The following PEX26 variants were observed in gnomAD, a reference collection of about 807,000 sequenced individuals.
PEX26 encodes the protein peroxisome assembly protein 26.
PEX26 carries 18 observed loss-of-function variants against 31.4 expected under a neutral mutation model. The observed-to-expected ratio is 0.57, with a 90% CI of 0.40 to 0.85. The LOEUF is 0.85. PEX26 is among the 40% of genes least tolerant of loss of function. The pLI is 0.00. For missense variants in PEX26, 377 were observed against 383.9 expected (o/e 0.98, Z 0.15); for synonymous variants, 176 against 166.9 (o/e 1.05, Z -0.42).
chr22:18,088,130 G>C lies in PEX26; in HGVS notation c.*55G>C, dbSNP rs564278228. The C allele has an allele frequency of 8.9e-7, 1 of 1,121,366 alleles. No homozygotes were observed. The highest frequency in any genetic ancestry group is 1.2e-5 in the South Asian group (1 of 81,578). The allele number at this position is 1,121,366 out of a possible 1,614,324, so 69.5% of individuals were successfully genotyped here. A position where few individuals can be genotyped will look rare whatever the true frequency, so the allele number is the denominator to read the frequency against. ...CCTCACGTCCGTGGCCACAGAAGCA[G>C]AGCGACAGAGCGACACATCCACAGG... On this transcript the variant is annotated 3_prime_UTR_variant, in exon 5 of 5. Coordinates refer to ENST00000399744, the MANE Select transcript of PEX26 (RefSeq NM_001127649.3). The surrounding 1 kb of genome is among the most constrained non-coding windows in gnomAD (Gnocchi z 4.1).
chr22:18,078,747 G>A (rs1357965669), intron 1 of PEX26, 141 bp downstream of exon 1: 1 of 819,008 alleles, frequency 1.2e-6, no homozygotes, highest in South Asian at 1.4e-5. Flanking sequence ...CCGAGAGGGT[G>A]GTCGCTCATC....
chr22:18,086,596 C>G (rs1264435213), intron 4 of PEX26, among the ~76,000 whole-genome samples: 1 of 152,202 alleles, frequency 6.6e-6, no homozygotes, highest in Non-Finnish European at 1.5e-5. Context: ...CCAGTTATTT[C>G]CTGAGGATTG....
rs4459811 is a variant in PEX26, at chr22:18,100,961, T to C, written c.*12886T>C. ...ACGGCCTACACTCACTGGTACCCCA[T>C]ACAACAGGAATGAATGCCGACTTAG... On this transcript the variant is annotated 3_prime_UTR_variant, in exon 5 of 5. Coordinates refer to ENST00000399744, the MANE Select transcript of PEX26 (RefSeq NM_001127649.3). The C allele has an allele frequency of 6.6e-6, 1 of 152,178 alleles. No homozygotes were observed. The highest frequency in any genetic ancestry group is 2.4e-5 in the African/African-American group (1 of 41,444). 9.4% of individuals were successfully genotyped at this position (152,178 alleles called of 1,614,324 possible).
At position 18,104,228 on chromosome 22, in the gene PEX26, T is replaced by C. The variant is rs991489052; in HGVS notation, c.*16153T>C. On this transcript the variant is annotated 3_prime_UTR_variant, in exon 5 of 5. Coordinates refer to ENST00000399744, the MANE Select transcript of PEX26 (RefSeq NM_001127649.3). The stretch of plus-strand genomic sequence containing the variant: ...CTTTAGGTGCTCTTTTTTTTCTTTT[T>C]TTCGCTCTGTCGCCCATGCTGGAGT... The C allele has an allele frequency of 1.2e-4, 18 of 152,188 alleles. No individual in the cohort carries two copies. Among genetic ancestry groups the C allele is most frequent in the African/African-American group, 4.3e-4 (18 of 41,408 alleles). 9.4% of individuals were successfully genotyped at this position (152,188 alleles called of 1,614,324 possible).
Position 18,086,114 on chromosome 22 carries a change from A to T in PEX26, c.814+856A>T, listed in dbSNP as rs372451318. On this transcript the variant is annotated intron_variant, in intron 4 of 4. Coordinates refer to ENST00000399744, the MANE Select transcript of PEX26 (RefSeq NM_001127649.3). ...GGAGTTCGAGAACAGCCTGGCCAAT[A>T]TGGTGAAACCCCGTCTCTACTAAAA... Among the ~76,000 whole-genome samples, 32 of 152,156 alleles carry T rather than the reference A, an allele frequency of 2.1e-4. No homozygotes were observed. In the East Asian group the frequency reaches 5.3e-3, roughly 25 times the overall value.
rs904522209 is a variant in PEX26 at position 18,078,839 on chromosome 22, C to T, written c.230+233C>T. The T allele has an allele frequency of 1.9e-5, 13 of 694,104 alleles. No homozygotes were observed. The African/African-American group carries it at 2.3e-4, about 12-fold the overall frequency. 43.0% of individuals were successfully genotyped at this position (694,104 alleles called of 1,614,324 possible). On this transcript the variant is annotated intron_variant, in intron 1 of 4. Transcript: ENST00000399744. ...ACAGCCAATTATTTGCTCCTTGTTC[C>T]AAGGTACAATGACATGATGGGAAGG...
chr22:18,080,518 G>A (rs1926525058), intron 2 of PEX26, among the ~76,000 whole-genome samples: 1 of 152,096 alleles, frequency 6.6e-6, no homozygotes, highest in Non-Finnish European at 1.5e-5. Context: ...TTTAAGTAGA[G>A]ACAGGGTTTT....
chr22:18,093,498 G>C lies in PEX26; in HGVS notation c.*5423G>C, dbSNP rs2123671066. On this transcript the variant is annotated 3_prime_UTR_variant, in exon 5 of 5. Transcript: ENST00000399744. ...GAATGGCGTGAACCCAGGAGGCGGA[G>C]CTTGCAGTGAGCCTAGATGGCGCCA... The C allele has an allele frequency of 6.6e-6, 1 of 151,836 alleles. No individual in the cohort carries two copies. Among genetic ancestry groups the C allele is most frequent in the South Asian group, 2.1e-4 (1 of 4,814 alleles). 9.4% of individuals were successfully genotyped at this position (151,836 alleles called of 1,614,324 possible). A position where few individuals can be genotyped will look rare whatever the true frequency, so the allele number is the denominator to read the frequency against.
intron 4 of PEX26, among the ~76,000 whole-genome samples, chr22:18,086,240 A>C (rs1926839397): frequency 6.6e-6 from 1 of 152,206 alleles, no homozygotes. Flanking sequence ...CGGAGGTTGC[A>C]GTGAGCCAAG....
At chr22:18,085,859 G>A (rs771565771) in intron 4 of PEX26, among the ~76,000 whole-genome samples, 2 of 151,730 alleles carry the variant, frequency 1.3e-5, no homozygotes, top group African/African-American at 2.4e-5. Context: ...GCAATAGAGC[G>A]AGACTCTGTC....
intron 4 of PEX26, among the ~76,000 whole-genome samples, chr22:18,087,392 A>G (rs1926883996): frequency 6.6e-6 from 1 of 152,144 alleles, no homozygotes. Context: ...TTTCCGTCAC[A>G]TAGCTCAGAG....
rs557940288 is a variant in PEX26, at chr22:18,094,739, G to A, written c.*6664G>A. 6.6e-6 allele frequency: 1 copy of A among 150,510 alleles called. No individual in the cohort carries two copies. The highest frequency in any genetic ancestry group is 2.0e-4 in the East Asian group (1 of 5,116). The allele number at this position is 150,510 out of a possible 1,614,324, so 9.3% of individuals were successfully genotyped here. A position where few individuals can be genotyped will look rare whatever the true frequency, so the allele number is the denominator to read the frequency against. On this transcript the variant is annotated 3_prime_UTR_variant, in exon 5 of 5. Coordinates refer to ENST00000399744, the MANE Select transcript of PEX26 (RefSeq NM_001127649.3). ...TGCCCCTTTTCTGCCTCCATAGCTA[G>A]TTTCTTATTTTCCTTTGGCTTTTTT...
chr22:18,084,237 C>CTCTTTTTTTTTTTTTTTTTT (rs1556589212), intron 3 of PEX26, among the ~76,000 whole-genome samples: 2 of 95,320 alleles, frequency 2.1e-5, no homozygotes, highest in Non-Finnish European at 4.2e-5. Context: ...ATCTCTCTCT[C>CTCTTTTTTTTTTTTTTTTTT]TTTTTTTTTT....
chr22:18,083,994 C>T (rs1187962026), intron 3 of PEX26, among the ~76,000 whole-genome samples: 1 of 152,138 alleles, frequency 6.6e-6, no homozygotes, highest in Non-Finnish European at 1.5e-5. Context: ...GTCATTTTCC[C>T]ATTGGAGTCC....
chr22:18,082,831 A>T (rs1297384007), intron 2 of PEX26, among the ~76,000 whole-genome samples: 1 of 152,160 alleles, frequency 6.6e-6, no homozygotes, highest in Non-Finnish European at 1.5e-5. Flanking sequence ...TGAACACGGG[A>T]TATCTTTCCA....
Position 18,100,367 on chromosome 22 carries a change from G to T in PEX26, c.*12292G>T, listed in dbSNP as rs1263273948. On this transcript the variant is annotated 3_prime_UTR_variant, in exon 5 of 5. Transcript: ENST00000399744. ...TGGGATTAGAGGCGTGAGCCACCAT[G>T]CCTGGCCAGCTCTTTCTAACTAAAA... The T allele has an allele frequency of 1.3e-5, 2 of 151,998 alleles. No homozygotes were observed. The highest frequency in any genetic ancestry group is 2.9e-5 in the Non-Finnish European group (2 of 68,024). 9.4% of individuals were successfully genotyped at this position (151,998 alleles called of 1,614,324 possible).
At chr22:18,081,237 T>TACAC (rs1244269511) in intron 2 of PEX26, among the ~76,000 whole-genome samples, 2 of 66,214 alleles carry the variant, frequency 3.0e-5, no homozygotes, top group African/African-American at 1.4e-4. Context: ...TACATATATG[T>TACAC]ACACATATAC....
rs1927268175 is a variant in PEX26 at position 18,095,677 on chromosome 22, C to T, written c.*7602C>T. 6.7e-6 allele frequency: 1 copy of T among 148,258 alleles called. No individual in the cohort carries two copies. Among genetic ancestry groups the T allele is most frequent in the African/African-American group, 2.5e-5 (1 of 40,084 alleles). 9.2% of individuals were successfully genotyped at this position (148,258 alleles called of 1,614,324 possible). On this transcript the variant is annotated 3_prime_UTR_variant, in exon 5 of 5. Transcript: ENST00000399744. Reference sequence around the variant, plus strand: ...GGCTAAAAGATGTGCTCTATTAATCCTCCCAGGAAACATATTTTGCAAAAG... The same window carrying T: ...GGCTAAAAGATGTGCTCTATTAATCTTCCCAGGAAACATATTTTGCAAAAG...
Position 18,094,104 on chromosome 22 carries a change from TCC to T in PEX26, c.*6030_*6031del, listed in dbSNP as rs1302949113. ...AACAGCCCCTTTAAAACTTTTAGCA[TCC>T]TCTTGTCACTTTTGTACTATCCAAG... is the stretch of plus-strand genomic sequence containing the variant. On this transcript the variant is annotated 3_prime_UTR_variant, in exon 5 of 5. Coordinates refer to ENST00000399744, the MANE Select transcript of PEX26 (RefSeq NM_001127649.3). 1 of 152,260 alleles carries T rather than the reference TCC, an allele frequency of 6.6e-6. No individual in the cohort carries two copies. The highest frequency in any genetic ancestry group is 2.4e-5 in the African/African-American group (1 of 41,464). 9.4% of individuals were successfully genotyped at this position (152,260 alleles called of 1,614,324 possible).
Sources: gnomAD v4.1 joint callset for allele counts (sites outside exome capture counted in the v4.1 genomes callset) on GRCh38, gnomAD v4.1.1 for gene constraint, Gnocchi (gnomAD v3.1) non-coding constraint, MANE v1.5 for transcripts, NCBI Gene and HGNC (gene_info 2026-07-23, HGNC 2026-07-21) for gene names.